Variants in PRKAR1A observed in about 807,000 individuals in gnomAD.
The protein encoded by PRKAR1A is cAMP-dependent protein kinase type I-alpha regulatory subunit.
PRKAR1A carries 3 observed loss-of-function variants against 52.0 expected under a neutral mutation model. That is an observed-to-expected ratio of 0.06 (90% CI 0.03 to 0.15). PRKAR1A has a LOEUF of 0.15. Among genes scored for constraint, PRKAR1A ranks in the 10% least tolerant of loss-of-function variants. The pLI is 1.00. For synonymous variants in PRKAR1A, 188 were observed against 168.4 expected (o/e 1.12, Z -0.90); for missense variants, 240 against 477.4 (o/e 0.50, Z 4.63).
At chr17:68,500,335 G>A in the PRKAR1A span, among the ~76,000 whole-genome samples, 3 of 152,118 alleles carry the variant, frequency 2.0e-5, no homozygotes, top group East Asian at 1.9e-4. Context: ...TAAGTCTCAC[G>A]AGATCTGATG....
At chr17:68,431,193 T>G in the PRKAR1A span, among the ~76,000 whole-genome samples, 3 of 152,150 alleles carry the variant, frequency 2.0e-5, no homozygotes, top group South Asian at 6.2e-4. Flanking sequence ...GCAGTTAATA[T>G]GCGGTGCTGC....
At chr17:68,457,640 T>A in the PRKAR1A span, 1 of 328,946 alleles carries the variant, frequency 3.0e-6, no homozygotes, top group African/African-American at 2.3e-5. Flanking sequence ...CCCCTCCAGC[T>A]GGTCCCGAGG....
At chr17:68,426,251 G>GGGGGGGGGGGGGGGGT in the PRKAR1A span, 1 of 825,460 alleles carries the variant, frequency 1.2e-6, no homozygotes, top group Non-Finnish European at 1.9e-6. Context: ...GTGGGGAGCG[G>GGGGGGGGGGGGGGGGT]GGGCTCAAAT....
downstream of PRKAR1A, chr17:68,536,189 A>G (rs1241228516): frequency 2.2e-6 from 1 of 454,066 alleles, no homozygotes; most frequent in Non-Finnish European, 4.4e-6. Context: ...AAGCTTGGAG[A>G]CATTTCTGGT....
the PRKAR1A span, among the ~76,000 whole-genome samples, chr17:68,470,295 T>C: frequency 1.3e-5 from 2 of 152,190 alleles, no homozygotes; most frequent in Admixed American, 6.5e-5. Context: ...TTGGTCAGGC[T>C]GGTCTGAAAC....
chr17:68,457,745 C>A, the PRKAR1A span, among the ~76,000 whole-genome samples: 6 of 152,164 alleles, frequency 3.9e-5, no homozygotes, highest in East Asian at 9.7e-4. Context: ...CTTGGCCAAT[C>A]CGTGGCAGCT....
downstream of PRKAR1A, chr17:68,537,701 G>C (rs752731065): frequency 5.6e-6 from 9 of 1,613,588 alleles, no homozygotes; most frequent in Non-Finnish European, 7.6e-6. The surrounding 1 kb of genome is among the most constrained non-coding windows in gnomAD (Gnocchi z 4.2). Context: ...TAGTCAGCTT[G>C]GGCCAGCAGC....
In PRKAR1A at chr17:68,524,011, T is replaced by C. The variant is rs771949207; in HGVS notation, c.441-5T>C. 5 of 1,614,086 alleles carry C rather than the reference T, an allele frequency of 3.1e-6. No homozygotes were observed. Among genetic ancestry groups the C allele is most frequent in the Non-Finnish European group, 4.2e-6 (5 of 1,179,964 alleles). ...ATGTAACACGAGGCCTTCTCTCTTT[T>C]GCAGTGATATTTTTGATGCCATGTT... is the stretch of plus-strand genomic sequence containing the variant. On this transcript the variant is annotated splice_polypyrimidine_tract_variant and splice_region_variant and intron_variant, in intron 4 of 10. Coordinates refer to ENST00000589228, the MANE Select transcript of PRKAR1A (RefSeq NM_002734.5).
chr17:68,500,295 G>T, the PRKAR1A span, among the ~76,000 whole-genome samples: 2 of 152,156 alleles, frequency 1.3e-5, no homozygotes, highest in Non-Finnish European at 2.9e-5. Flanking sequence ...CATGGGGGCG[G>T]TTCCCCCATA....
the PRKAR1A span, among the ~76,000 whole-genome samples, chr17:68,473,514 ATTAT>A: frequency 6.6e-6 from 1 of 151,906 alleles, no homozygotes; most frequent in Non-Finnish European, 1.5e-5. Flanking sequence ...GACCTATTTT[ATTAT>A]TTATTTATTT....
At chr17:68,458,677 C>T in the PRKAR1A span, among the ~76,000 whole-genome samples, 1 of 152,202 alleles carries the variant, frequency 6.6e-6, no homozygotes, top group Non-Finnish European at 1.5e-5. Flanking sequence ...TTTTTAAAAG[C>T]TGAGTACTGT....
At chr17:68,486,532 T>C in the PRKAR1A span, among the ~76,000 whole-genome samples, 221 of 138,064 alleles carry the variant, frequency 1.6e-3, 2 homozygotes, top group Admixed American at 2.9e-3. Flanking sequence ...TTTCTTTCTT[T>C]CTTTCTTTCT....
At chr17:68,497,881 A>G in the PRKAR1A span, among the ~76,000 whole-genome samples, 1 of 152,228 alleles carries the variant, frequency 6.6e-6, no homozygotes, top group Non-Finnish European at 1.5e-5. Context: ...AATGAGTGCT[A>G]TGAAAGAAGC....
At chr17:68,542,054 A>T (rs767988459) in intron 11 of PRKAR1A, 2 of 1,614,112 alleles carry the variant, frequency 1.2e-6, no homozygotes, top group South Asian at 2.2e-5. Context: ...GGCCAGGTTG[A>T]GGGACGGCAG....
In PRKAR1A at chr17:68,528,925, G is replaced by A. The variant is rs1267422534; in HGVS notation, c.825G>A (p.Gln275=). ...TAGCTGATGCATTGGAACCAGTGCA[G>A]TTTGAAGATGGGCAGAAGATTGTGG... ...LTVADALEPV[Q]FEDGQKIVVQ... The change falls in exon 9 of 11, where the codon CAG becomes CAA. Residue 275 remains glutamine, a synonymous_variant. Transcript: ENST00000589228. 4.3e-6 allele frequency: 7 copies of A among 1,614,028 alleles called. No homozygotes were observed. In the East Asian group the frequency reaches 8.9e-5, roughly 21 times the overall value.
chr17:68,481,496 A>G, the PRKAR1A span, among the ~76,000 whole-genome samples: 1 of 152,216 alleles, frequency 6.6e-6, no homozygotes. Context: ...CACAGCCTAG[A>G]TCCCTCACAT....
the PRKAR1A span, among the ~76,000 whole-genome samples, chr17:68,434,924 G>A: frequency 3.9e-3 from 593 of 152,272 alleles, 1 homozygote; most frequent in Middle Eastern, 0.01. Context: ...ATTTGAGGCC[G>A]GGTGTGGTGG....
chr17:68,491,580 G>T, the PRKAR1A span, among the ~76,000 whole-genome samples: 1 of 152,108 alleles, frequency 6.6e-6, no homozygotes, highest in Non-Finnish European at 1.5e-5. Context: ...GCTCCAGGAG[G>T]AAGTGGGAGG....
chr17:68,491,365 T>A, the PRKAR1A span, among the ~76,000 whole-genome samples: 2 of 152,218 alleles, frequency 1.3e-5, no homozygotes, highest in Non-Finnish European at 2.9e-5. Flanking sequence ...GTGCTGGGAT[T>A]ACAGGCGTGA....
Sources: gnomAD v4.1 joint callset for allele counts (sites outside exome capture counted in the v4.1 genomes callset) on GRCh38, gnomAD v4.1.1 for gene constraint, Gnocchi (gnomAD v3.1) non-coding constraint, MANE v1.5 for transcripts, NCBI Gene and HGNC (gene_info 2026-07-23, HGNC 2026-07-21) for gene names.